The following NOTCH4 variants were observed in gnomAD, a reference collection of about 807,000 sequenced individuals.
The protein encoded by NOTCH4 is neurogenic locus notch homolog protein 4.
A neutral mutation model predicts 189.0 loss-of-function variants in NOTCH4; 138 were observed. The observed-to-expected ratio is 0.73, with a 90% CI of 0.64 to 0.84. The LOEUF is 0.84. Ranked by LOEUF, NOTCH4 falls within the 40% of genes least tolerant of loss-of-function variation. NOTCH4 has a pLI of 0.00. For missense variants in NOTCH4, 2,286 were observed against 2,605.4 expected (o/e 0.88, Z 2.67); for synonymous variants, 942 against 1,032.8 (o/e 0.91, Z 1.69).
chr6:32,213,198 A>C lies in NOTCH4; in HGVS notation c.2375T>G (p.Leu792Arg), dbSNP rs1472104337. Residue 792 changes from leucine (L) to arginine (R), a missense_variant, in exon 15 of 30, where the codon CTC becomes CGC. This residue lies in a region of NOTCH4 where 1,903 missense variants were observed against 2,261.9 expected (regional missense o/e 0.84). Coordinates refer to ENST00000375023, the MANE Select transcript of NOTCH4 (RefSeq NM_004557.4). The part of the protein sequence containing the change: ...CVNRPGTFSC[L>R]CAMGFQGPRC... ...CGGGCCCTGGAAGCCCATGGCACAG[A>C]GGCAGGAGAAGGTGCCAGGCCTGTT... The C allele has an allele frequency of 6.2e-7, 1 of 1,613,884 alleles. No homozygotes were observed. Among genetic ancestry groups the C allele is most frequent in the African/African-American group, 1.3e-5 (1 of 74,870 alleles).
intron 18 of NOTCH4, among the ~76,000 whole-genome samples, chr6:32,208,127 C>T (rs1338385595): frequency 1.3e-5 from 2 of 151,776 alleles, no homozygotes; most frequent in African/African-American, 4.8e-5. Flanking sequence ...GTGATTACAT[C>T]AAGCTAAAAA....
intron 12 of NOTCH4, 43 bp downstream of exon 12, chr6:32,215,183 G>T (rs1582811764): frequency 1.3e-6 from 2 of 1,523,516 alleles, no homozygotes; most frequent in Non-Finnish European, 1.8e-6. Flanking sequence ...AGCGAAGGGA[G>T]CCCAAAGGAG....
rs2127489512 is a variant in NOTCH4 at position 32,221,436 on chromosome 6, T to C, written c.452-111A>G. 1 of 741,328 alleles carries C rather than the reference T, an allele frequency of 1.3e-6. No individual in the cohort carries two copies. Among genetic ancestry groups the C allele is most frequent in the East Asian group, 2.6e-5 (1 of 37,756 alleles). The allele number at this position is 741,328 out of a possible 1,614,324, so 45.9% of individuals were successfully genotyped here. On this transcript the variant is annotated intron_variant, in intron 3 of 29. Transcript: ENST00000375023. This position sits in a 1 kb window ranked among gnomAD's most constrained non-coding sequence, Gnocchi z 4.3. ...CTCTGGGTCTCATTTTCATATTTCC[T>C]TCCCTTTATTACCATACTTTCTTTG...
rs1345857832 is a variant in NOTCH4 at position 32,210,799 on chromosome 6, G to A, written c.2818C>T (p.Gln940Ter). 7 of 1,613,038 alleles carry A rather than the reference G, an allele frequency of 4.3e-6. No individual in the cohort carries two copies. The highest frequency in any genetic ancestry group is 5.9e-6 in the Non-Finnish European group (7 of 1,180,032). ...TGGGCCATGCAGGTGGCCCCGTTCT[G>A]GCAAGGCCTGGACTCACATGGGTTC... ...HVNPCESRPCQNGATCMAQPS... is the reference protein window; with the variant it reads ...HVNPCESRPC The change falls in exon 18 of 30, where the codon CAG (glutamine) becomes TAG (stop). Residue 940 changes from glutamine to a stop codon, truncating the protein, a stop_gained. Transcript: ENST00000375023. LOFTEE classifies it high-confidence loss of function. This position sits in a 1 kb window ranked among gnomAD's most constrained non-coding sequence, Gnocchi z 4.8.
chr6:32,213,830 AC>A lies in NOTCH4; in HGVS notation c.2177del (p.Cys726LeufsTer5), dbSNP rs766917548. Reference sequence around the variant, plus strand: ...AGTGACAAGCTGTCATCTCCTCACTACAGGTGGGTCCTGAAGGAAACAGGTG... The same window carrying A: ...AGTGACAAGCTGTCATCTCCTCACTAAGGTGGGTCCTGAAGGAAACAGGTG... ...TCPTGYTGPT[C>X]SEEMTACHSG... On this transcript the variant is annotated frameshift_variant, in exon 14 of 30. Transcript: ENST00000375023. LOFTEE classifies it high-confidence loss of function. 5 of 1,611,800 alleles carry A rather than the reference AC, an allele frequency of 3.1e-6. No homozygotes were observed. In the South Asian group the frequency reaches 5.5e-5, roughly 18 times the overall value.
At chr6:32,223,738 A>G in intron 1 of NOTCH4, 118 bp downstream of exon 1, 2 of 1,043,614 alleles carry the variant, frequency 1.9e-6, no homozygotes, top group Non-Finnish European at 2.8e-6. Flanking sequence ...TTGGGCAGTG[A>G]GAATCTCCTC....
In NOTCH4 at chr6:32,214,112, G is replaced by C. The variant is rs775439461; in HGVS notation, c.2165C>G (p.Thr722Arg). Residue 722 changes from threonine (T) to arginine (R), a missense_variant and splice_region_variant, in exon 13 of 30, where the codon ACA becomes AGA. By Grantham distance (71) the Thr-to-Arg change is moderately conservative. Coordinates refer to ENST00000375023, the MANE Select transcript of NOTCH4 (RefSeq NM_004557.4). ...ATATGGTTTAGGGAGGGTCTCACCT[G>C]TGTAGCCTGTAGGGCAGGTGCAGTT... The part of the protein sequence containing the change: ...GYNCTCPTGY[T>R]GPTCSEEMTA... The C allele has an allele frequency of 1.2e-6, 2 of 1,611,534 alleles. No individual in the cohort carries two copies. The highest frequency in any genetic ancestry group is 1.7e-5 in the Admixed American group (1 of 59,372).
In NOTCH4 at chr6:32,200,917, C is replaced by T. The variant is rs143040647; in HGVS notation, c.4229G>A (p.Arg1410His). Residue 1410 changes from arginine to histidine, a missense_variant, in exon 23 of 30, where the codon CGC (arginine) becomes CAC (histidine). By Grantham distance (29) the Arg-to-His change is conservative (BLOSUM62 0). Transcript: ENST00000375023. The surrounding 1 kb of genome is among the most constrained non-coding windows in gnomAD (Gnocchi z 5.0). ...CACTGCAGCCATCGCAGCAAGGAAG[C>T]GGAGTAGAAGCCCAGGGTCCCAGGG... Reference protein sequence around the residue: ...RCPWDPGLLLRFLAAMAAVGA... With the variant: ...RCPWDPGLLLHFLAAMAAVGA... The T allele has an allele frequency of 4.0e-4, 639 of 1,608,602 alleles. 8 individuals are homozygous for T. The East Asian group carries it at 0.014, about 34-fold the overall frequency.
chr6:32,217,049 C>T lies in NOTCH4; in HGVS notation c.1757G>A (p.Cys586Tyr), dbSNP rs1789454763. Residue 586 changes from cysteine (C) to tyrosine (Y), a missense_variant, in exon 11 of 30, where the codon TGT becomes TAT. Around this residue, in one of 2 missense-constraint regions of NOTCH4, gnomAD observed 1,903 missense variants for 2,261.9 expected, o/e 0.84. Transcript: ENST00000375023. This position sits in a 1 kb window ranked among gnomAD's most constrained non-coding sequence, Gnocchi z 4.2. ...KCLPGFEGPR[C>Y]QTEVDECLSD... ...CAGGCACTCATCCACCTCTGTTTGA[C>T]AGCGTGGCCCTTCAAAGCCTGTGGC... 2.5e-6 allele frequency: 4 copies of T among 1,612,978 alleles called. No individual in the cohort carries two copies. Among genetic ancestry groups the T allele is most frequent in the Non-Finnish European group, 3.4e-6 (4 of 1,180,050 alleles).
rs1431989242 is a variant in NOTCH4, at chr6:32,220,476, G to T, written c.1088C>A (p.Thr363Asn). Residue 363 changes from threonine (T) to asparagine (N), a missense_variant, in exon 6 of 30, where the codon ACC (threonine) becomes AAC (asparagine). Around this residue, in one of 2 missense-constraint regions of NOTCH4, gnomAD observed 1,903 missense variants for 2,261.9 expected, o/e 0.84. Transcript: ENST00000375023. ...EENLDDCIAATCAPGSTCIDR... is the reference protein window; with the variant it reads ...EENLDDCIAANCAPGSTCIDR... ...AATGCAGGTGGATCCCGGGGCACAG[G>T]TGGCAGCAATACAGTCATCCAGGTT... 1 of 1,613,812 alleles carries T rather than the reference G, an allele frequency of 6.2e-7. No individual in the cohort carries two copies. Among genetic ancestry groups the T allele is most frequent in the Non-Finnish European group, 8.5e-7 (1 of 1,180,024 alleles).
chr6:32,210,937 C>T lies in NOTCH4; in HGVS notation c.2681-1G>A. 1.9e-6 allele frequency: 3 copies of T among 1,580,110 alleles called. No individual in the cohort carries two copies. The highest frequency in any genetic ancestry group is 2.6e-6 in the Non-Finnish European group (3 of 1,164,250). On this transcript the variant is annotated splice_acceptor_variant, in intron 17 of 29. Transcript: ENST00000375023. LOFTEE classifies it high-confidence loss of function. The surrounding 1 kb of genome is among the most constrained non-coding windows in gnomAD (Gnocchi z 4.8). ...TGGCAAAGGGAAGAGACGTCTATGCCTGGGGAGAGAGACAAACAGGGATAT... is the reference window on the plus strand; with the variant it reads ...TGGCAAAGGGAAGAGACGTCTATGCTTGGGGAGAGAGACAAACAGGGATAT...
In NOTCH4 at chr6:32,196,401, C is replaced by T. The variant is rs757258535; in HGVS notation, c.5221G>A (p.Ala1741Thr). ...GCTCGGGCGTTGTTCACGGCAGCAGCCCAGTGCAGCGCAGTTTTCCCTAGG... is the reference window on the plus strand; with the variant it reads ...GCTCGGGCGTTGTTCACGGCAGCAGTCCAGTGCAGCGCAGTTTTCCCTAGG... ...DKWGKTALHW[A>T]AAVNNARAAR... Residue 1741 changes from alanine to threonine, a missense_variant, in exon 29 of 30, where the codon GCT becomes ACT. Ala to Thr is a moderately conservative substitution (Grantham distance 58). Around this residue, in one of 2 missense-constraint regions of NOTCH4, gnomAD observed 1,903 missense variants for 2,261.9 expected, o/e 0.84. Coordinates refer to ENST00000375023, the MANE Select transcript of NOTCH4 (RefSeq NM_004557.4). 4.6e-5 allele frequency: 75 copies of T among 1,612,968 alleles called. 1 individual carries two copies. Among genetic ancestry groups the T allele is most frequent in the Non-Finnish European group, 4.5e-5 (53 of 1,180,024 alleles).
At position 32,198,383 on chromosome 6, in the gene NOTCH4, C is replaced by CTTTT; in HGVS notation, c.4756+34_4756+37dup. On this transcript the variant is annotated intron_variant, in intron 26 of 29. Coordinates refer to ENST00000375023, the MANE Select transcript of NOTCH4 (RefSeq NM_004557.4). The surrounding 1 kb of genome is among the most constrained non-coding windows in gnomAD (Gnocchi z 5.5). ...CTCTGATTCTAATAGGGTCAAAGGACTTTTTTTTTTTTTCTTGGTCTGGGT... is the reference window on the plus strand; with the variant it reads ...CTCTGATTCTAATAGGGTCAAAGGACTTTTTTTTTTTTTTTTTCTTGGTCTGGGT... 2 of 1,241,866 alleles carry CTTTT rather than the reference C, an allele frequency of 1.6e-6. No homozygotes were observed. Among genetic ancestry groups the CTTTT allele is most frequent in the Admixed American group, 2.3e-5 (1 of 42,702 alleles). 76.9% of individuals were successfully genotyped at this position (1,241,866 alleles called of 1,614,324 possible).
At chr6:32,206,497 T>C (rs1357452771) in intron 18 of NOTCH4, among the ~76,000 whole-genome samples, 1 of 151,740 alleles carries the variant, frequency 6.6e-6, no homozygotes, top group African/African-American at 2.4e-5. Flanking sequence ...ACCAAAGAAG[T>C]GAAAGAGTAC....
In NOTCH4 at chr6:32,199,766, A is replaced by G. The variant is rs1788226153; in HGVS notation, c.4316-621T>C. 6.6e-6 allele frequency among the ~76,000 whole-genome samples: 1 copy of G among 152,192 alleles called. No homozygotes were observed. Among genetic ancestry groups the G allele is most frequent in the South Asian group, 2.1e-4 (1 of 4,832 alleles). ...CATGGTGGCATGCCATTGTAATTCC[A>G]GCTACTCAGTAGTCTGAAGCAAGAG... On this transcript the variant is annotated intron_variant, in intron 23 of 29. Transcript: ENST00000375023. This position sits in a 1 kb window ranked among gnomAD's most constrained non-coding sequence, Gnocchi z 4.9.
chr6:32,205,869 AATACACAC>A (rs1788645868), intron 18 of NOTCH4, among the ~76,000 whole-genome samples: 3 of 151,816 alleles, frequency 2.0e-5, no homozygotes, highest in African/African-American at 7.3e-5. Context: ...CTCTACTAAA[AATACACAC>A]ATACACAAAA....
At position 32,199,084 on chromosome 6, in the gene NOTCH4, G is replaced by A. The variant is rs746722364; in HGVS notation, c.4377C>T (p.Leu1459=). The A allele has an allele frequency of 6.2e-7, 1 of 1,612,614 alleles. No individual in the cohort carries two copies. The highest frequency in any genetic ancestry group is 2.2e-5 in the East Asian group (1 of 44,878). ...GGACGAGAAGAGCCCCTAGGGCCAG[G>A]AGAATCACCCCGGCCACTGGGGAGC... ...VLCSPVAGVI[L]LALGALLVLQ... The change falls in exon 24 of 30, where the codon CTC becomes CTT. Residue 1459 remains leucine, a synonymous_variant. Coordinates refer to ENST00000375023, the MANE Select transcript of NOTCH4 (RefSeq NM_004557.4). This position sits in a 1 kb window ranked among gnomAD's most constrained non-coding sequence, Gnocchi z 4.9.
chr6:32,203,854 G>GCCAAC lies in NOTCH4; in HGVS notation c.3146_3147insGTTGG (p.Cys1050LeufsTer79). 6.4e-7 allele frequency: 1 copy of GCCAAC among 1,559,802 alleles called. No individual in the cohort carries two copies. The highest frequency in any genetic ancestry group is 8.7e-7 in the Non-Finnish European group (1 of 1,151,366). On this transcript the variant is annotated frameshift_variant, in exon 20 of 30. Coordinates refer to ENST00000375023, the MANE Select transcript of NOTCH4 (RefSeq NM_004557.4). LOFTEE classifies it high-confidence loss of function. ...CATGAAAGCAGGGTTGGCTGTGGCA[G>GCCAAC]GGGTCTATCTCCACCTCACACCACT...
intron 14 of NOTCH4, 55 bp from the exon 15 acceptor site, chr6:32,213,307 AC>A: frequency 3.3e-6 from 4 of 1,209,788 alleles, no homozygotes; most frequent in Non-Finnish European, 4.9e-6. Context: ...CTGGCCTGTG[AC>A]CTCAGTCACA....
Sources: gnomAD v4.1 joint callset for allele counts (sites outside exome capture counted in the v4.1 genomes callset) on GRCh38, gnomAD v4.1.1 for gene constraint, gnomAD v4.1.1 regional missense constraint, Gnocchi (gnomAD v3.1) non-coding constraint, MANE v1.5 for transcripts, NCBI Gene and HGNC (gene_info 2026-07-23, HGNC 2026-07-21) for gene names.